The following MATR3 variants were observed in gnomAD, a reference collection of about 807,000 sequenced individuals.
MATR3 encodes matrin 3, also known as matrin-3.
In MATR3, 4 loss-of-function variants were observed where a neutral mutation model predicts 85.5. The ratio of observed to expected loss-of-function variants is 0.05; its 90% CI spans 0.02 to 0.11. The LOEUF (loss-of-function observed/expected upper bound fraction) is 0.11, where lower values mean the gene tolerates loss of function less well. Ranked by LOEUF, MATR3 falls within the 10% of genes least tolerant of loss-of-function variation. The probability of loss-of-function intolerance (pLI) is 1.00; values close to 1 mark genes in which losing one functional copy is unlikely to be tolerated. For synonymous variants in MATR3, 336 were observed against 343.1 expected (o/e 0.98, Z 0.23); for missense variants, 685 against 1,016.1 (o/e 0.67, Z 4.43).
At chr5:139,283,734 C>T (rs374765695) in intron 3 of MATR3, 30 of 152,358 alleles carry the variant, frequency 2.0e-4, no homozygotes, top group African/African-American at 6.3e-4. Context: ...GCTTATCTTG[C>T]TATGGTCTGT....
chr5:139,293,935 G>A, intron 1 of MATR3, 130 bp downstream of exon 1: 2 of 1,234,748 alleles, frequency 1.6e-6, no homozygotes, highest in Non-Finnish European at 2.0e-6. Flanking sequence ...CTCCCGCTCT[G>A]CCTCCCTCCG....
intron 9 of MATR3, chr5:139,321,676 G>C (rs1234677917): frequency 1.3e-5 from 7 of 553,566 alleles, no homozygotes; most frequent in Non-Finnish European, 2.2e-5. Context: ...CCTAGCTACT[G>C]GGGGGCTAAG....
At chr5:139,295,165 C>T (rs1000895048) in intron 1 of MATR3, among the ~76,000 whole-genome samples, 4 of 152,128 alleles carry the variant, frequency 2.6e-5, no homozygotes, top group African/African-American at 7.2e-5. Context: ...TTAAAATTTC[C>T]CTTTAAAAAC....
At chr5:139,315,615 A>T (rs1755200928) in intron 3 of MATR3, 82 bp from the exon 4 acceptor site, 2 of 854,790 alleles carry the variant, frequency 2.3e-6, no homozygotes, top group South Asian at 2.7e-5. Context: ...CTAATAAATG[A>T]TCTCTATTTT....
Position 139,330,940 on chromosome 5 carries a change from GCCACTATA to G in MATR3, c.*1548_*1555del, listed in dbSNP as rs1309658840. The G allele has an allele frequency of 4.4e-6, 2 of 453,994 alleles. No homozygotes were observed. The highest frequency in any genetic ancestry group is 8.8e-6 in the Non-Finnish European group (2 of 226,774). The allele number at this position is 453,994 out of a possible 1,614,324, so 28.1% of individuals were successfully genotyped here. ...TGAGTAGCTGGGACTACAGGCTCAT[GCCACTATA>G]CCTGGCTAGTTTTTGGTTTTTTTGT... On this transcript the variant is annotated 3_prime_UTR_variant, in exon 15 of 15. Transcript: ENST00000394805.
At chr5:139,323,645 C>T (rs912654613) in intron 12 of MATR3, among the ~76,000 whole-genome samples, 7 of 152,116 alleles carry the variant, frequency 4.6e-5, no homozygotes, top group Non-Finnish European at 8.8e-5. Context: ...CAGTGGCTCA[C>T]GCCTGTAATC....
At chr5:139,309,108 TCTC>T (rs1754844170) in intron 2 of MATR3, among the ~76,000 whole-genome samples, 2 of 152,284 alleles carry the variant, frequency 1.3e-5, no homozygotes, top group South Asian at 2.1e-4. Flanking sequence ...AAAATCTAAT[TCTC>T]CTTTGCTTTA....
At chr5:139,279,083 A>C (rs947007268) in exon 3 of MATR3, 2 of 457,864 alleles carry the variant, frequency 4.4e-6, no homozygotes, top group African/African-American at 4.0e-5. Context: ...TACCTCCATC[A>C]GGACCCCAGA....
intron 1 of MATR3, chr5:139,294,202 A>G (rs1013639004): frequency 2.2e-5 from 12 of 534,630 alleles, no homozygotes; most frequent in Non-Finnish European, 3.5e-5. Flanking sequence ...AGGGGGAGGG[A>G]GGAGCTCGCT....
chr5:139,311,798 C>T (rs1044999685), intron 2 of MATR3: 2 of 102,898 alleles, frequency 1.9e-5, no homozygotes, highest in East Asian at 4.0e-4. Flanking sequence ...GAAGGTTTCT[C>T]GCTCTGTGTC....
chr5:139,327,180 A>G (rs1455096104), intron 14 of MATR3, among the ~76,000 whole-genome samples: 1 of 152,170 alleles, frequency 6.6e-6, no homozygotes. Flanking sequence ...TTGGTTTTTC[A>G]CACTGCTTTA....
intron 1 of MATR3, among the ~76,000 whole-genome samples, chr5:139,301,002 A>ACAGGGTTT (rs1236203131): frequency 6.6e-6 from 1 of 151,956 alleles, no homozygotes; most frequent in Non-Finnish European, 1.5e-5. Context: ...TTGGGTAGAG[A>ACAGGGTTT]CAGGGTTTCC....
intron 3 of MATR3, 76 bp from the exon 4 acceptor site, chr5:139,315,621 A>G (rs1384271642): frequency 6.4e-6 from 6 of 933,438 alleles, no homozygotes; most frequent in African/African-American, 1.6e-5. Context: ...AATGATCTCT[A>G]TTTTAGAGGC....
At chr5:139,315,018 T>G (rs1333821375) in intron 3 of MATR3, 2 of 390,496 alleles carry the variant, frequency 5.1e-6, no homozygotes, top group Non-Finnish European at 9.7e-6. Flanking sequence ...AAAGATAGTA[T>G]TTGATATGTA....
At chr5:139,278,238 T>C (rs1218517905) in intron 2 of MATR3, 2 of 399,680 alleles carry the variant, frequency 5.0e-6, no homozygotes, top group Non-Finnish European at 1.0e-5. Flanking sequence ...AAAAAATATA[T>C]ATATATATAT....
rs1581244366 is a variant in MATR3 at position 139,314,755 on chromosome 5, T to G, written c.974+19T>G. 1.2e-6 allele frequency: 2 copies of G among 1,608,042 alleles called. No homozygotes were observed. The highest frequency in any genetic ancestry group is 4.5e-5 in the East Asian group (2 of 44,794). On this transcript the variant is annotated intron_variant, in intron 3 of 14. Coordinates refer to ENST00000394805, the MANE Select transcript of MATR3 (RefSeq NM_018834.6). ...TTGAAATGTAGGAGTTTGAAATACC[T>G]TTAAAACATCCTTATCGTGAATCAG...
intron 10 of MATR3, among the ~76,000 whole-genome samples, chr5:139,322,259 G>A (rs981107766): frequency 1.3e-5 from 2 of 152,106 alleles, no homozygotes; most frequent in African/African-American, 4.8e-5. Flanking sequence ...GTTTTTCATA[G>A]CGTTCTGCTA....
chr5:139,315,148 ATT>A (rs576618521), intron 3 of MATR3: 1,776 of 171,126 alleles, frequency 0.01, no homozygotes, highest in South Asian at 0.03. Flanking sequence ...TTGGTGATGA[ATT>A]TTTTTTTTTT....
intron 10 of MATR3, 147 bp downstream of exon 10, chr5:139,322,176 T>A: frequency 9.7e-7 from 1 of 1,029,948 alleles, no homozygotes; most frequent in Non-Finnish European, 1.4e-6. Flanking sequence ...AACCTTTTTT[T>A]CTGGTCTTTA....
Sources: gnomAD v4.1 joint callset for allele counts (sites outside exome capture counted in the v4.1 genomes callset) on GRCh38, gnomAD v4.1.1 for gene constraint, MANE v1.5 for transcripts, NCBI Gene and HGNC (gene_info 2026-07-23, HGNC 2026-07-21) for gene names.